The following NRXN1 variants were observed in gnomAD, a reference collection of about 807,000 sequenced individuals.
NRXN1 encodes the protein neurexin 1.
In NRXN1, 39 loss-of-function variants were observed where a neutral mutation model predicts 150.9. The observed-to-expected ratio is 0.26, with a 90% CI of 0.20 to 0.34. NRXN1 has a LOEUF of 0.34. Among genes scored for constraint, NRXN1 ranks in the 10% least tolerant of loss-of-function variants. The probability of loss-of-function intolerance (pLI) is 1.00; values close to 1 mark genes in which losing one functional copy is unlikely to be tolerated. For missense variants in NRXN1, 1,815 were observed against 1,949.9 expected (o/e 0.93, Z 1.30); for synonymous variants, 924 against 757.0 (o/e 1.22, Z -3.62).
At chr2:50,623,129 T>C (rs552108670) in intron 6 of NRXN1, among the ~76,000 whole-genome samples, 185 bp downstream of exon 6, 53 of 152,176 alleles carry the variant, frequency 3.5e-4, no homozygotes, top group African/African-American at 1.2e-3. Flanking sequence ...GCCTTTGGGC[T>C]CCCAGAACTT....
At chr2:50,274,886 A>G (rs541622191) in intron 17 of NRXN1, among the ~76,000 whole-genome samples, 38 of 152,270 alleles carry the variant, frequency 2.5e-4, no homozygotes, top group African/African-American at 9.1e-4. Context: ...TCAAAATTTA[A>G]AAACAGGCTT....
chr2:50,784,149 T>G (rs878957404), intron 5 of NRXN1, among the ~76,000 whole-genome samples: 19 of 152,138 alleles, frequency 1.2e-4, no homozygotes, highest in Admixed American at 5.3e-4. Flanking sequence ...GATTGGAAGT[T>G]TCTTCAATAA....
chr2:50,621,289 G>T, intron 6 of NRXN1, 40 bp from the exon 7 acceptor site: 1 of 1,477,404 alleles, frequency 6.8e-7, no homozygotes, highest in Non-Finnish European at 9.3e-7. Context: ...TAAAAACTGT[G>T]AACAGAATAA....
intron 17 of NRXN1, among the ~76,000 whole-genome samples, chr2:50,299,205 A>T (rs2073922191): frequency 6.6e-6 from 1 of 152,124 alleles, no homozygotes; most frequent in African/African-American, 2.4e-5. Context: ...ATGTTTCCAA[A>T]GTAGGAAAGC....
chr2:50,605,164 G>T (rs1676888080), intron 8 of NRXN1, among the ~76,000 whole-genome samples: 3 of 152,168 alleles, frequency 2.0e-5, no homozygotes, highest in African/African-American at 7.2e-5. Context: ...CCTCAACCAT[G>T]TCTTAATCCT....
chr2:50,248,840 T>C (rs975172091), intron 17 of NRXN1, among the ~76,000 whole-genome samples: 1 of 152,076 alleles, frequency 6.6e-6, no homozygotes, highest in Non-Finnish European at 1.5e-5. Context: ...AATACTTGTA[T>C]GTGTAGAAAT....
At chr2:50,837,573 C>A (rs1237779773) in intron 5 of NRXN1, among the ~76,000 whole-genome samples, 1 of 152,044 alleles carries the variant, frequency 6.6e-6, no homozygotes, top group East Asian at 1.9e-4. Flanking sequence ...AAGTTGCATA[C>A]CTGAGAGGAC....
intron 15 of NRXN1, among the ~76,000 whole-genome samples, chr2:50,489,855 A>C (rs1299578170): frequency 1.3e-5 from 2 of 149,582 alleles, no homozygotes; most frequent in African/African-American, 5.1e-5. Context: ...AGAACTCCCA[A>C]ACCAAATGTT....
chr2:50,692,326 T>C (rs1048435413), intron 5 of NRXN1, among the ~76,000 whole-genome samples: 1 of 152,206 alleles, frequency 6.6e-6, no homozygotes, highest in African/African-American at 2.4e-5. Context: ...GTGGTTTCTA[T>C]TTTATTGTTA....
chr2:50,949,321 G>A (rs973428239), intron 2 of NRXN1, among the ~76,000 whole-genome samples: 3 of 152,000 alleles, frequency 2.0e-5, no homozygotes, highest in Non-Finnish European at 4.4e-5. Context: ...GGTTTTAAAT[G>A]TGTCTAATTT....
intron 5 of NRXN1, among the ~76,000 whole-genome samples, chr2:50,704,240 GT>G (rs1284780054): frequency 1.3e-5 from 2 of 151,946 alleles, no homozygotes; most frequent in African/African-American, 4.8e-5. Flanking sequence ...TCCAAATATA[GT>G]TTTTTTAAAT....
At chr2:50,749,949 G>A (rs1467333839) in intron 5 of NRXN1, among the ~76,000 whole-genome samples, 1 of 151,988 alleles carries the variant, frequency 6.6e-6, no homozygotes, top group African/African-American at 2.4e-5. Flanking sequence ...TACAGGGTAT[G>A]CTTAAAGGCA....
At chr2:50,235,500 A>T (rs2065332843) in intron 18 of NRXN1, among the ~76,000 whole-genome samples, 1 of 152,132 alleles carries the variant, frequency 6.6e-6, no homozygotes, top group South Asian at 2.1e-4. Context: ...ACTCCTACAC[A>T]GCTTATTGGA....
chr2:50,664,918 A>C (rs573660544), intron 5 of NRXN1, among the ~76,000 whole-genome samples: 2 of 152,168 alleles, frequency 1.3e-5, no homozygotes, highest in South Asian at 4.1e-4. Flanking sequence ...TATCCTTCAA[A>C]TTAAAAAAAA....
intron 2 of NRXN1, among the ~76,000 whole-genome samples, chr2:50,990,925 G>T (rs1406668750): frequency 6.6e-6 from 1 of 152,016 alleles, no homozygotes; most frequent in African/African-American, 2.4e-5. Context: ...AGGAAAACAA[G>T]CACTTTGGGA....
At chr2:50,343,689 T>C (rs1023928961) in intron 17 of NRXN1, among the ~76,000 whole-genome samples, 1 of 152,192 alleles carries the variant, frequency 6.6e-6, no homozygotes, top group Non-Finnish European at 1.5e-5. Context: ...CACCTCATAA[T>C]AGTGCAAATG....
At chr2:49,925,715 G>T (rs535550569) in intron 22 of NRXN1, among the ~76,000 whole-genome samples, 2 of 152,222 alleles carry the variant, frequency 1.3e-5, no homozygotes, top group East Asian at 3.9e-4. Flanking sequence ...TCTCTTAGCA[G>T]TGCTGAAATG....
rs1698026283 is a variant in NRXN1, at chr2:50,730,938, G to A, written c.833-107323C>T. ...TCCGCCTGCCTCCGCCTCCCAAAGT[G>A]CTGGGATTACAGGCGTGAGCCACCG... On this transcript the variant is annotated intron_variant, in intron 5 of 22. Transcript: ENST00000401669. 2.0e-5 allele frequency among the ~76,000 whole-genome samples: 3 copies of A among 152,220 alleles called. No homozygotes were observed. The South Asian group carries it at 6.2e-4, about 32-fold the overall frequency.
At chr2:50,590,444 A>G (rs1232845306) in intron 8 of NRXN1, among the ~76,000 whole-genome samples, 1 of 152,154 alleles carries the variant, frequency 6.6e-6, no homozygotes, top group Non-Finnish European at 1.5e-5. Context: ...AGCTTTTCCC[A>G]TGACCTTAAT....
Sources: allele counts gnomAD v4.1 joint callset (sites outside exome capture counted in the v4.1 genomes callset), GRCh38; gene constraint gnomAD v4.1.1; transcripts MANE v1.5; gene names NCBI Gene and HGNC (gene_info 2026-07-23, HGNC 2026-07-21).